The following ZNF684 variants were observed in gnomAD, a reference collection of about 807,000 sequenced individuals.
ZNF684 encodes zinc finger protein 684, also known as hypothetical protein MGC27466.
A neutral mutation model predicts 12.8 loss-of-function variants in ZNF684; 13 were observed. The observed-to-expected ratio is 1.02, with a 90% CI of 0.66 to 1.62. The LOEUF (loss-of-function observed/expected upper bound fraction) is 1.62, where lower values mean the gene tolerates loss of function less well. Among genes scored for constraint, ZNF684 ranks in the 40% most tolerant of loss-of-function variants. The pLI is 0.00. For missense variants in ZNF684, 384 were observed against 446.9 expected, an observed-to-expected ratio of 0.86 and a Z score of 1.27; for synonymous variants, 118 against 151.8, an observed-to-expected ratio of 0.78 and a Z score of 1.64.
At chr1:40,546,513 T>C in intron 4 of ZNF684, 49 bp from the exon 5 acceptor site, 1 of 1,484,794 alleles carries the variant, frequency 6.7e-7, no homozygotes, top group Non-Finnish European at 9.0e-7. Flanking sequence ...CTCTATAGCA[T>C]GTTGATGGGA....
intron 4 of ZNF684, 35 bp downstream of exon 4, chr1:40,541,745 G>A (rs777518133): frequency 3.8e-6 from 6 of 1,561,486 alleles, no homozygotes; most frequent in South Asian, 2.3e-5. Flanking sequence ...GCTGTGTGGA[G>A]TTGAGATCCC....
At chr1:40,545,176 T>TA (rs940779793) in intron 4 of ZNF684, 33 of 152,246 alleles carry the variant, frequency 2.2e-4, no homozygotes, top group African/African-American at 8.0e-4. Flanking sequence ...AACCACTCTA[T>TA]AAAGAAATGT....
intron 2 of ZNF684, among the ~76,000 whole-genome samples, chr1:40,536,187 A>T (rs1570106575): frequency 6.6e-6 from 1 of 152,060 alleles, no homozygotes; most frequent in African/African-American, 2.4e-5. Flanking sequence ...AGGTCAGGAG[A>T]TCGAGACCAT....
chr1:40,534,574 C>T (rs930393104), intron 2 of ZNF684, among the ~76,000 whole-genome samples: 3 of 151,932 alleles, frequency 2.0e-5, no homozygotes. Flanking sequence ...TTATAAGTTT[C>T]TTATTGTAAT....
rs1350330311 is a variant in ZNF684 at position 40,533,140 on chromosome 1, T to C, written c.-24-3T>C. 2 of 1,612,228 alleles carry C rather than the reference T, an allele frequency of 1.2e-6. No individual in the cohort carries two copies. The highest frequency in any genetic ancestry group is 1.7e-6 in the Non-Finnish European group (2 of 1,178,630). ...ATTCTCTTCCCCATTTCTACTTTCATAGATTTCTGTGTAAGAGCTGCAGAA... is the reference window on the plus strand; with the variant it reads ...ATTCTCTTCCCCATTTCTACTTTCACAGATTTCTGTGTAAGAGCTGCAGAA... On this transcript the variant is annotated splice_polypyrimidine_tract_variant and splice_region_variant and intron_variant, in intron 1 of 4. Coordinates refer to ENST00000372699, the MANE Select transcript of ZNF684 (RefSeq NM_152373.4).
At chr1:40,533,087 A>G (rs1205908772) in intron 1 of ZNF684, 56 bp from the exon 2 acceptor site, 2 of 1,469,154 alleles carry the variant, frequency 1.4e-6, no homozygotes, top group Admixed American at 3.5e-5. Context: ...TCTACTTTGC[A>G]TGCAGTCCTG....
rs150440103 is a variant in ZNF684 at position 40,547,014 on chromosome 1, G to A, written c.691G>A (p.Val231Met). 152 of 1,614,094 alleles carry A rather than the reference G, an allele frequency of 9.4e-5. No individual in the cohort carries two copies. The African/African-American group carries it at 1.6e-3, about 17-fold the overall frequency. ...GGCGTTTATGCATAAAGCCCAACTC[G>A]TGGTCCACCAGAGACTTCACACTGG... ...GKAFMHKAQLVVHQRLHTGEK... is the reference protein window; with the variant it reads ...GKAFMHKAQLMVHQRLHTGEK... Residue 231 changes from valine to methionine, a missense_variant, in exon 5 of 5, where the codon GTG (valine) becomes ATG (methionine). Coordinates refer to ENST00000372699, the MANE Select transcript of ZNF684 (RefSeq NM_152373.4).
chr1:40,532,045 A>C (rs1376658254), intron 1 of ZNF684, among the ~76,000 whole-genome samples: 1 of 152,066 alleles, frequency 6.6e-6, no homozygotes, highest in East Asian at 1.9e-4. Flanking sequence ...ACTATGTAGG[A>C]GTCTGTTCAT....
At chr1:40,544,114 CTT>C (rs745692636) in intron 4 of ZNF684, among the ~76,000 whole-genome samples, 1 of 151,020 alleles carries the variant, frequency 6.6e-6, no homozygotes, top group Non-Finnish European at 1.5e-5. Flanking sequence ...GGGGATGTTT[CTT>C]TTTTTATTTT....
chr1:40,540,570 A>G lies in ZNF684; in HGVS notation c.16-16A>G, dbSNP rs376061980. 47 of 1,582,024 alleles carry G rather than the reference A, an allele frequency of 3.0e-5. No homozygotes were observed. Among genetic ancestry groups the G allele is most frequent in the African/African-American group, 4.1e-5 (3 of 73,436 alleles). ...GTGATACACACTTTAGTTTGAAGAT[A>G]AATGTGCTGTTACAGGAATCAGTGA... On this transcript the variant is annotated splice_polypyrimidine_tract_variant and intron_variant, in intron 2 of 4. Coordinates refer to ENST00000372699, the MANE Select transcript of ZNF684 (RefSeq NM_152373.4).
At chr1:40,537,649 A>G (rs1286949009) in intron 2 of ZNF684, among the ~76,000 whole-genome samples, 5 of 152,248 alleles carry the variant, frequency 3.3e-5, no homozygotes, top group Admixed American at 2.0e-4. Flanking sequence ...AGGCTGAGGC[A>G]TGAGAATCAC....
chr1:40,540,831 T>A (rs559589216), intron 3 of ZNF684, 119 bp downstream of exon 3: 1 of 1,045,222 alleles, frequency 9.6e-7, no homozygotes, highest in South Asian at 2.9e-5. Context: ...CCCAGCACTT[T>A]GGGAGGCAGG....
In ZNF684 at chr1:40,547,320, G is replaced by T; in HGVS notation, c.997G>T (p.Gly333Cys). The T allele has an allele frequency of 6.2e-7, 1 of 1,614,004 alleles. No individual in the cohort carries two copies. Among genetic ancestry groups the T allele is most frequent in the Non-Finnish European group, 8.5e-7 (1 of 1,179,950 alleles). The change falls in exon 5 of 5, where the codon GGC (glycine) becomes TGC (cysteine). Residue 333 changes from glycine (G) to cysteine (C), a missense_variant. Physicochemically the swap from Gly to Cys is radical, Grantham distance 159. Transcript: ENST00000372699. ...GEKPYSCIEC[G>C]KAFIKKSHLL... is the part of the protein sequence containing the mutation. ...GAAACCTTACAGTTGTATTGAATGT[G>T]GCAAAGCCTTCATCAAGAAGTCCCA...
intron 2 of ZNF684, among the ~76,000 whole-genome samples, chr1:40,535,010 A>G (rs1039778422): frequency 6.6e-6 from 1 of 152,166 alleles, no homozygotes; most frequent in African/African-American, 2.4e-5. Context: ...GGATTTCTCT[A>G]TGTTGAATTT....
chr1:40,538,617 G>A (rs1036381283), intron 2 of ZNF684, among the ~76,000 whole-genome samples: 1 of 152,094 alleles, frequency 6.6e-6, no homozygotes, highest in African/African-American at 2.4e-5. Flanking sequence ...CAGCACTTTG[G>A]GAGGCTGAGG....
chr1:40,533,044 A>G (rs1645965929), intron 1 of ZNF684, 99 bp from the exon 2 acceptor site: 1 of 906,414 alleles, frequency 1.1e-6, no homozygotes, highest in Non-Finnish European at 1.7e-6. Flanking sequence ...CTGAGGCTGC[A>G]GTGTGGGTAC....
intron 4 of ZNF684, among the ~76,000 whole-genome samples, chr1:40,545,906 TCTC>T (rs72027109): frequency 0.11 from 15,652 of 141,168 alleles, 1,084 homozygotes; most frequent in African/African-American, 0.16. Context: ...TTTGCCTTTG[TCTC>T]CTTTTCTTTT....
chr1:40,546,197 A>G (rs1212993207), intron 4 of ZNF684, among the ~76,000 whole-genome samples: 1 of 152,144 alleles, frequency 6.6e-6, no homozygotes, highest in Non-Finnish European at 1.5e-5. Context: ...CTGGGGTTAC[A>G]GGCGTGAGCC....
At chr1:40,541,476 C>T in intron 3 of ZNF684, 139 bp from the exon 4 acceptor site, 1 of 621,956 alleles carries the variant, frequency 1.6e-6, no homozygotes, top group Non-Finnish European at 2.9e-6. Context: ...AGCCACCGCG[C>T]CCAGCCTGGG....
Sources: allele counts gnomAD v4.1 joint callset (sites outside exome capture counted in the v4.1 genomes callset), GRCh38; gene constraint gnomAD v4.1.1; transcripts MANE v1.5; gene names NCBI Gene and HGNC (gene_info 2026-07-23, HGNC 2026-07-21).